Variants in DIP2A observed in about 807,000 individuals in gnomAD.
The protein encoded by DIP2A is DIP2 acetate--CoA ligase A.
Under a neutral mutation model 177.4 loss-of-function variants are expected in DIP2A, and 85 were observed. That is an observed-to-expected ratio of 0.48 (90% CI 0.40 to 0.57). The LOEUF is 0.57. DIP2A is among the 20% of genes least tolerant of loss of function. The pLI is 0.00. For missense variants in DIP2A, 1,791 were observed against 2,100.2 expected (o/e 0.85, Z 2.88); for synonymous variants, 886 against 881.8 (o/e 1.00, Z -0.08).
rs779886259 is a variant in DIP2A at position 46,551,647 on chromosome 21, C to T, written c.2853C>T (p.Ala951=). 5 of 1,613,982 alleles carry T rather than the reference C, an allele frequency of 3.1e-6. No homozygotes were observed. The South Asian group carries it at 4.4e-5, about 14-fold the overall frequency. Residue 951 remains alanine (A), a synonymous_variant, in exon 24 of 38, where the codon GCC becomes GCT. Coordinates refer to ENST00000417564, the MANE Select transcript of DIP2A (RefSeq NM_015151.4). ...PRQKQPEVGP[A]SMIVGNLVAG... Reference sequence around the variant, plus strand: ...CCCCGTTTCTAGAGGTTGGACCAGCCTCAATGATCGTGGGGAACCTGGTTG... The same window carrying T: ...CCCCGTTTCTAGAGGTTGGACCAGCTTCAATGATCGTGGGGAACCTGGTTG...
At chr21:46,524,494 G>T (rs1411524640) in intron 8 of DIP2A, among the ~76,000 whole-genome samples, 2 of 152,100 alleles carry the variant, frequency 1.3e-5, no homozygotes, top group Non-Finnish European at 2.9e-5. Flanking sequence ...TGGGTCGGGG[G>T]TCTCCTCAGT....
intron 1 of DIP2A, among the ~76,000 whole-genome samples, chr21:46,478,132 T>C (rs1186914025): frequency 1.3e-5 from 2 of 152,210 alleles, no homozygotes; most frequent in African/African-American, 4.8e-5. Flanking sequence ...TTTTCAAGCT[T>C]GATTTAGCTA....
At chr21:46,546,534 G>T (rs2060048122) in intron 20 of DIP2A, among the ~76,000 whole-genome samples, 1 of 152,162 alleles carries the variant, frequency 6.6e-6, no homozygotes, top group Admixed American at 6.5e-5. Context: ...TGCCGGGTTT[G>T]GGACCCCTGC....
intron 3 of DIP2A, among the ~76,000 whole-genome samples, chr21:46,491,109 C>G (rs972608246): frequency 1.3e-5 from 2 of 152,126 alleles, no homozygotes; most frequent in African/African-American, 4.8e-5. Flanking sequence ...ATTTCTTTTT[C>G]TAATTTTGGA....
intron 1 of DIP2A, among the ~76,000 whole-genome samples, chr21:46,477,557 G>GTGTGTGTGTGTT (rs1431647676): frequency 6.0e-5 from 8 of 133,620 alleles, no homozygotes; most frequent in Non-Finnish European, 8.2e-5. Flanking sequence ...GTGTGTGTGT[G>GTGTGTGTGTGTT]TGTGTGTGTG....
chr21:46,463,455 C>G (rs1279586488), intron 1 of DIP2A, among the ~76,000 whole-genome samples: 2 of 152,202 alleles, frequency 1.3e-5, no homozygotes, highest in Non-Finnish European at 2.9e-5. Flanking sequence ...ACACAATAGG[C>G]TACCTTTATC....
chr21:46,554,938 G>T lies in DIP2A; in HGVS notation c.3388+5G>T. ...GGCCCACCATCCTAGACACAGGTGCGTGTCCTCGCACTGCCCAGGACCAGT... is the reference window on the plus strand; with the variant it reads ...GGCCCACCATCCTAGACACAGGTGCTTGTCCTCGCACTGCCCAGGACCAGT... On this transcript the variant is annotated splice_donor_5th_base_variant and intron_variant, in intron 28 of 37. Coordinates refer to ENST00000417564, the MANE Select transcript of DIP2A (RefSeq NM_015151.4). 2 of 1,550,818 alleles carry T rather than the reference G, an allele frequency of 1.3e-6. No individual in the cohort carries two copies. The highest frequency in any genetic ancestry group is 1.7e-6 in the Non-Finnish European group (2 of 1,147,014).
chr21:46,571,885 C>G (rs2060971355), downstream of DIP2A, among the ~76,000 whole-genome samples: 1 of 152,140 alleles, frequency 6.6e-6, no homozygotes, highest in Admixed American at 6.6e-5. Flanking sequence ...TTTGAATATG[C>G]TTTCTTTCTT....
intron 17 of DIP2A, among the ~76,000 whole-genome samples, chr21:46,540,377 T>G (rs1396182277): frequency 6.6e-6 from 1 of 152,112 alleles, no homozygotes; most frequent in African/African-American, 2.4e-5. Flanking sequence ...GGCCTGGTGC[T>G]TAGTGCCCGG....
chr21:46,519,187 C>T (rs1040728698), intron 8 of DIP2A, among the ~76,000 whole-genome samples: 8 of 152,172 alleles, frequency 5.3e-5, no homozygotes, highest in African/African-American at 1.9e-4. Flanking sequence ...GCAGTGAGTT[C>T]AACCAGAGGT....
intron 2 of DIP2A, among the ~76,000 whole-genome samples, chr21:46,490,038 G>A (rs1407852581): frequency 6.6e-6 from 1 of 152,190 alleles, no homozygotes; most frequent in Non-Finnish European, 1.5e-5. Context: ...GGCCTGAGCA[G>A]GTCCCAGCCT....
intron 25 of DIP2A, 106 bp from the exon 26 acceptor site, chr21:46,554,063 C>T: frequency 7.2e-7 from 1 of 1,396,792 alleles, no homozygotes; most frequent in South Asian, 1.4e-5. Context: ...GGACGCTAAT[C>T]ACAAGGTGTC....
At chr21:46,504,574 T>C (rs2057874532) in intron 6 of DIP2A, 85 bp downstream of exon 6, 3 of 1,470,536 alleles carry the variant, frequency 2.0e-6, no homozygotes. Context: ...ATGTATTCAC[T>C]GTAGCAAACC....
chr21:46,560,022 C>G (rs978051096), intron 32 of DIP2A, among the ~76,000 whole-genome samples: 4 of 152,156 alleles, frequency 2.6e-5, no homozygotes, highest in Non-Finnish European at 5.9e-5. Context: ...CCCTTGTAAC[C>G]AAATTTAAAA....
chr21:46,489,188 TAG>T (rs1362941117), intron 2 of DIP2A, among the ~76,000 whole-genome samples: 21 of 152,242 alleles, frequency 1.4e-4, no homozygotes, highest in Non-Finnish European at 3.1e-4. Flanking sequence ...CTGATTTCTG[TAG>T]AGAGTGTTCC....
rs1260492596 is a variant in DIP2A at position 46,563,839 on chromosome 21, A to G, written c.4090-19A>G. ...TGTCATGTTTTCTTTAACAAGGGAC[A>G]TAGCTCTCCTCCTTCCAGATCCTCC... On this transcript the variant is annotated intron_variant, in intron 34 of 37. Coordinates refer to ENST00000417564, the MANE Select transcript of DIP2A (RefSeq NM_015151.4). This position sits in a 1 kb window ranked among gnomAD's most constrained non-coding sequence, Gnocchi z 4.3. The G allele has an allele frequency of 2.5e-6, 4 of 1,612,588 alleles. No individual in the cohort carries two copies. Among genetic ancestry groups the G allele is most frequent in the East Asian group, 4.5e-5 (2 of 44,852 alleles).
chr21:46,514,313 G>A (rs1164126142), intron 8 of DIP2A, among the ~76,000 whole-genome samples: 3 of 151,880 alleles, frequency 2.0e-5, no homozygotes, highest in Non-Finnish European at 4.4e-5. Context: ...GTGGGCGCCT[G>A]TAGTCCCAGC....
chr21:46,464,493 T>C (rs1286975664), intron 1 of DIP2A, among the ~76,000 whole-genome samples: 2 of 152,252 alleles, frequency 1.3e-5, no homozygotes, highest in Non-Finnish European at 2.9e-5. Context: ...GTTTGTGTTC[T>C]ATAACAGAAC....
chr21:46,476,385 G>A (rs968783229), intron 1 of DIP2A, among the ~76,000 whole-genome samples: 2 of 152,014 alleles, frequency 1.3e-5, no homozygotes, highest in African/African-American at 2.4e-5. Context: ...AACAAATAGA[G>A]GATGAGCAAT....
Sources: allele counts gnomAD v4.1 joint callset (sites outside exome capture counted in the v4.1 genomes callset), GRCh38; gene constraint gnomAD v4.1.1; non-coding constraint Gnocchi (gnomAD v3.1); transcripts MANE v1.5; gene names NCBI Gene and HGNC (gene_info 2026-07-23, HGNC 2026-07-21).